The following C12orf42 variants were observed in gnomAD, a reference collection of about 807,000 sequenced individuals.
The protein encoded by C12orf42 is chromosome 12 open reading frame 42, also known as uncharacterized protein C12orf42.
A neutral mutation model predicts 21.6 loss-of-function variants in C12orf42; 25 were observed. The observed-to-expected ratio is 1.16, with a 90% confidence interval of 0.84 to 1.62. The LOEUF is 1.62. C12orf42 is among the 40% of genes most tolerant of loss of function. The probability of loss-of-function intolerance (pLI) is 0.00; values close to 1 mark genes in which losing one functional copy is unlikely to be tolerated. For synonymous variants in C12orf42, 174 were observed against 175.0 expected (o/e 0.99, Z 0.05); for missense variants, 483 against 459.3 (o/e 1.05, Z -0.47).
At chr12:103,551,530 T>C in the C12orf42 span, among the ~76,000 whole-genome samples, 1 of 151,978 alleles carries the variant, frequency 6.6e-6, no homozygotes, top group Non-Finnish European at 1.5e-5. Context: ...AAAAATAATA[T>C]TAAAGGCTGG....
At chr12:103,368,069 C>G (rs1487204798) in intron 4 of C12orf42, 7 of 1,285,014 alleles carry the variant, frequency 5.4e-6, no homozygotes, top group Non-Finnish European at 7.1e-6. Flanking sequence ...ATTGGACAGG[C>G]ACATTTAAAT....
At chr12:103,211,449 T>C in the C12orf42 span, among the ~76,000 whole-genome samples, 3 of 152,194 alleles carry the variant, frequency 2.0e-5, no homozygotes, top group African/African-American at 4.8e-5. Context: ...GATTAAGTTA[T>C]GAAAACTGTG....
the C12orf42 span, among the ~76,000 whole-genome samples, chr12:103,189,360 C>T: frequency 3.2e-4 from 48 of 152,238 alleles, no homozygotes; most frequent in Admixed American, 6.5e-4. Flanking sequence ...ATAAAAGAGA[C>T]ATTATTGGGA....
At chr12:103,418,831 A>ATT (rs2049602280) in intron 2 of C12orf42, among the ~76,000 whole-genome samples, 2 of 140,050 alleles carry the variant, frequency 1.4e-5, no homozygotes, top group South Asian at 2.4e-4. Flanking sequence ...CATTCCGTTA[A>ATT]ATTTTTTTTT....
At chr12:103,532,754 C>G in the C12orf42 span, among the ~76,000 whole-genome samples, 68 of 152,192 alleles carry the variant, frequency 4.5e-4, no homozygotes, top group African/African-American at 1.5e-3. Context: ...ATTAAATTAC[C>G]ATTAGTATAT....
chr12:103,497,981 G>A (rs188325297), upstream of C12orf42, among the ~76,000 whole-genome samples: 17 of 152,086 alleles, frequency 1.1e-4, no homozygotes, highest in Middle Eastern at 3.4e-3. Flanking sequence ...GTTGCAGTGA[G>A]CAGAGACAGC....
chr12:103,069,652 G>T, the C12orf42 span, among the ~76,000 whole-genome samples: 1 of 152,164 alleles, frequency 6.6e-6, no homozygotes, highest in Non-Finnish European at 1.5e-5. Flanking sequence ...TCAAAAAATT[G>T]TAAGTCAAGC....
chr12:103,360,818 T>C lies in C12orf42; in HGVS notation c.259+8069A>G, dbSNP rs1015405217. Among the ~76,000 whole-genome samples, 3 of 152,168 alleles carry C rather than the reference T, an allele frequency of 2.0e-5. No homozygotes were observed. In the East Asian group the frequency reaches 5.8e-4, roughly 29 times the overall value. ...GAAATATGAAATTCATATGATTTTA[T>C]TGGGCCCTTTGGGGGAATCACTAAT... On this transcript the variant is annotated intron_variant, in intron 4 of 5. Coordinates refer to ENST00000548883, the MANE Select transcript of C12orf42 (RefSeq NM_198521.5).
In C12orf42 at chr12:103,296,709, GT is replaced by G. The variant is rs1220995830; in HGVS notation, n.338-19500del. On this transcript the variant is annotated intron_variant and non_coding_transcript_variant, in intron 4 of 6. Coordinates refer to the C12orf42 transcript ENST00000546526. ...CCTTCACTCACTTGTTGATGGGGTT[GT>G]TTTTTTCTTGTAAATTTGTTTGAGT... Among the ~76,000 whole-genome samples, 13 of 152,104 alleles carry G rather than the reference GT, an allele frequency of 8.5e-5. No individual in the cohort carries two copies. The East Asian group carries it at 1.3e-3, about 16-fold the overall frequency.
At chr12:103,484,110 C>A (rs143211498) in intron 1 of C12orf42, among the ~76,000 whole-genome samples, 1 of 152,038 alleles carries the variant, frequency 6.6e-6, no homozygotes, top group Non-Finnish European at 1.5e-5. Context: ...TGAATAGTGC[C>A]GCAATAATCA....
the C12orf42 span, among the ~76,000 whole-genome samples, chr12:103,510,316 C>A: frequency 2.6e-5 from 4 of 152,060 alleles, no homozygotes; most frequent in East Asian, 7.7e-4. Context: ...TGATAGGATA[C>A]AAAGGCATAA....
chr12:103,251,931 C>A (rs2034326160), intron 10 of C12orf42, among the ~76,000 whole-genome samples: 1 of 152,062 alleles, frequency 6.6e-6, no homozygotes, highest in Admixed American at 6.6e-5. Flanking sequence ...TACTTGGGGG[C>A]AGGAGGTATA....
the C12orf42 span, chr12:103,505,988 G>T: frequency 1.1e-5 from 2 of 183,118 alleles, no homozygotes; most frequent in South Asian, 2.3e-4. Flanking sequence ...GGATACCTCA[G>T]ACCGGATGCA....
chr12:103,173,478 A>G, the C12orf42 span, among the ~76,000 whole-genome samples: 1 of 152,116 alleles, frequency 6.6e-6, no homozygotes, highest in East Asian at 1.9e-4. Flanking sequence ...TGAGGAATCT[A>G]AAAGCCCCTG....
At chr12:103,219,735 G>A in the C12orf42 span, among the ~76,000 whole-genome samples, 2 of 152,152 alleles carry the variant, frequency 1.3e-5, no homozygotes, top group African/African-American at 4.8e-5. Flanking sequence ...CAGTTAGAAT[G>A]GCGATCATTA....
At chr12:103,490,973 G>A (rs1045428326) in intron 1 of C12orf42, among the ~76,000 whole-genome samples, 9 of 151,986 alleles carry the variant, frequency 5.9e-5, no homozygotes, top group African/African-American at 2.2e-4. Context: ...TAGAACATTA[G>A]CATCTATATG....
At chr12:103,432,218 G>T (rs1298273864) in intron 2 of C12orf42, among the ~76,000 whole-genome samples, 2 of 152,174 alleles carry the variant, frequency 1.3e-5, no homozygotes, top group Admixed American at 1.3e-4. Context: ...TTGCCTCTTA[G>T]TAAGCATGCT....
intron 4 of C12orf42, among the ~76,000 whole-genome samples, chr12:103,353,422 C>T (rs1213655614): frequency 6.6e-6 from 1 of 152,036 alleles, no homozygotes; most frequent in African/African-American, 2.4e-5. Context: ...TCAAAACTTG[C>T]ATGTTTTGAT....
intron 2 of C12orf42, among the ~76,000 whole-genome samples, chr12:103,419,833 G>A (rs914465320): frequency 2.0e-5 from 3 of 152,076 alleles, no homozygotes; most frequent in African/African-American, 7.2e-5. Flanking sequence ...GATATTATTT[G>A]CCTCCAGTTT....
Sources: allele counts gnomAD v4.1 joint callset (sites outside exome capture counted in the v4.1 genomes callset), GRCh38; gene constraint gnomAD v4.1.1; transcripts MANE v1.5; gene names NCBI Gene and HGNC (gene_info 2026-07-23, HGNC 2026-07-21).